The following FMNL2 variants were observed in gnomAD, a reference collection of about 807,000 sequenced individuals.
FMNL2 encodes the protein formin like 2, also known as formin-like protein 2.
A neutral mutation model predicts 130.2 loss-of-function variants in FMNL2; 51 were observed. The observed-to-expected ratio is 0.39, with a 90% confidence interval of 0.31 to 0.49. The LOEUF is 0.49. Among genes scored for constraint, FMNL2 ranks in the 20% least tolerant of loss-of-function variants. The probability of loss-of-function intolerance (pLI) is 0.85; values close to 1 mark genes in which losing one functional copy is unlikely to be tolerated. For missense variants in FMNL2, 977 were observed against 1,316.2 expected (o/e 0.74, Z 3.99); for synonymous variants, 465 against 467.1 (o/e 1.00, Z 0.06).
intron 1 of FMNL2, among the ~76,000 whole-genome samples, chr2:152,487,284 A>G (rs1690885085): frequency 1.3e-5 from 2 of 152,244 alleles, no homozygotes; most frequent in African/African-American, 2.4e-5. Context: ...AATAAATTTA[A>G]TGCCAGAAGT....
intron 25 of FMNL2, among the ~76,000 whole-genome samples, chr2:152,647,137 G>C (rs935447054): frequency 2.6e-5 from 4 of 152,156 alleles, no homozygotes; most frequent in Non-Finnish European, 4.4e-5. Flanking sequence ...AATCGCTTGA[G>C]ACTGGTTCAA....
At chr2:152,388,752 C>A (rs962201760) in intron 1 of FMNL2, among the ~76,000 whole-genome samples, 1 of 152,098 alleles carries the variant, frequency 6.6e-6, no homozygotes, top group African/African-American at 2.4e-5. Context: ...AGTTTGTGCA[C>A]AAGTTTTCAA....
intron 1 of FMNL2, among the ~76,000 whole-genome samples, chr2:152,407,159 T>A (rs1686026748): frequency 6.6e-6 from 1 of 151,468 alleles, no homozygotes; most frequent in African/African-American, 2.4e-5. Flanking sequence ...TAAATTAACA[T>A]CTTAAAGAAC....
chr2:152,455,967 C>T (rs183248090), intron 1 of FMNL2, among the ~76,000 whole-genome samples: 16 of 152,340 alleles, frequency 1.1e-4, no homozygotes, highest in Admixed American at 3.9e-4. Context: ...CCTCCCACCT[C>T]GGCCTCCCGA....
intron 1 of FMNL2, among the ~76,000 whole-genome samples, chr2:152,448,018 A>G (rs1208256337): frequency 1.3e-5 from 2 of 152,138 alleles, no homozygotes; most frequent in African/African-American, 4.8e-5. Context: ...AAATTTTCCA[A>G]AGGTGGCATC....
chr2:152,420,356 AT>A (rs1686844234), intron 1 of FMNL2, among the ~76,000 whole-genome samples: 1 of 152,204 alleles, frequency 6.6e-6, no homozygotes, highest in Non-Finnish European at 1.5e-5. Flanking sequence ...TGTAAACGTG[AT>A]TTTTAAGAGT....
At chr2:152,607,888 T>C (rs996797312) in intron 10 of FMNL2, among the ~76,000 whole-genome samples, 2 of 152,166 alleles carry the variant, frequency 1.3e-5, no homozygotes, top group African/African-American at 2.4e-5. Context: ...AGTGATTTTT[T>C]TTTTCCTCCC....
chr2:152,366,314 G>A (rs916574279), intron 1 of FMNL2, among the ~76,000 whole-genome samples: 7 of 150,670 alleles, frequency 4.6e-5, no homozygotes, highest in Non-Finnish European at 8.9e-5. Context: ...GGGAGGGATA[G>A]CATCAGGAGA....
chr2:152,367,474 T>C (rs1485342483), intron 1 of FMNL2, among the ~76,000 whole-genome samples: 1 of 152,240 alleles, frequency 6.6e-6, no homozygotes, highest in African/African-American at 2.4e-5. Flanking sequence ...GCTTTTGCAC[T>C]GAAATGTTTG....
chr2:152,635,517 G>A (rs1015286899), intron 21 of FMNL2, among the ~76,000 whole-genome samples: 2 of 152,222 alleles, frequency 1.3e-5, no homozygotes, highest in African/African-American at 4.8e-5. Context: ...AAAAAAGTGA[G>A]AAGTGTGCAT....
chr2:152,624,799 T>C (rs531515865), intron 15 of FMNL2, among the ~76,000 whole-genome samples: 2 of 152,344 alleles, frequency 1.3e-5, no homozygotes, highest in South Asian at 4.1e-4. Flanking sequence ...ATTGCGGCAC[T>C]GCACTGCAGC....
At chr2:152,449,771 T>C (rs1558872690) in intron 1 of FMNL2, among the ~76,000 whole-genome samples, 1 of 152,228 alleles carries the variant, frequency 6.6e-6, no homozygotes, top group Non-Finnish European at 1.5e-5. Flanking sequence ...TGGAATTTGC[T>C]TGTAGAAGAA....
At chr2:152,540,813 C>T (rs1183789072) in intron 2 of FMNL2, among the ~76,000 whole-genome samples, 1 of 152,012 alleles carries the variant, frequency 6.6e-6, no homozygotes, top group Non-Finnish European at 1.5e-5. Flanking sequence ...GCACAATGTG[C>T]ACATGTACCC....
Position 152,640,142 on chromosome 2 carries a change from C to G in FMNL2, c.3045+86C>G, listed in dbSNP as rs1030291060. 4 of 1,123,544 alleles carry G rather than the reference C, an allele frequency of 3.6e-6. No individual in the cohort carries two copies. In the African/African-American group the frequency reaches 6.4e-5, roughly 18 times the overall value. 69.6% of individuals were successfully genotyped at this position (1,123,544 alleles called of 1,614,324 possible). On this transcript the variant is annotated intron_variant, in intron 24 of 25. Coordinates refer to ENST00000288670, the MANE Select transcript of FMNL2 (RefSeq NM_052905.4). Reference sequence around the variant, plus strand: ...GCAAGCCATACAAAGGACCAGCAAGCCAGGTGTGCCCAGGATCCTGACCAC... The same window carrying G: ...GCAAGCCATACAAAGGACCAGCAAGGCAGGTGTGCCCAGGATCCTGACCAC...
intron 1 of FMNL2, among the ~76,000 whole-genome samples, chr2:152,380,112 A>G (rs1040056922): frequency 2.0e-5 from 3 of 152,176 alleles, no homozygotes; most frequent in African/African-American, 7.2e-5. Flanking sequence ...CATTCATCAC[A>G]TTTTAATTTT....
chr2:152,618,155 G>C (rs1233775292), intron 13 of FMNL2, among the ~76,000 whole-genome samples: 3 of 152,098 alleles, frequency 2.0e-5, no homozygotes, highest in Non-Finnish European at 2.9e-5. Context: ...CCTTATAAAA[G>C]GAACCAGGAC....
chr2:152,459,867 A>T (rs1373646477), intron 1 of FMNL2, among the ~76,000 whole-genome samples: 1 of 152,194 alleles, frequency 6.6e-6, no homozygotes, highest in East Asian at 1.9e-4. Flanking sequence ...AAAACCCCAG[A>T]TGTTTCTGTG....
At chr2:152,484,049 G>A (rs1164838846) in intron 1 of FMNL2, among the ~76,000 whole-genome samples, 1 of 152,142 alleles carries the variant, frequency 6.6e-6, no homozygotes, top group Non-Finnish European at 1.5e-5. Flanking sequence ...ACTGGTCAGT[G>A]GTGTTGAATC....
At chr2:152,527,564 C>G (rs189151459) in intron 2 of FMNL2, among the ~76,000 whole-genome samples, 5 of 151,758 alleles carry the variant, frequency 3.3e-5, no homozygotes, top group Non-Finnish European at 2.9e-5. Flanking sequence ...TGGAATTTTT[C>G]CCCTCAATTG....
Sources: gnomAD v4.1 joint callset for allele counts (sites outside exome capture counted in the v4.1 genomes callset) on GRCh38, gnomAD v4.1.1 for gene constraint, MANE v1.5 for transcripts, NCBI Gene and HGNC (gene_info 2026-07-23, HGNC 2026-07-21) for gene names.